The following GALNTL6 variants were observed in gnomAD, a reference collection of about 807,000 sequenced individuals.
GALNTL6 encodes polypeptide N-acetylgalactosaminyltransferase like 6.
Under a neutral mutation model 73.7 loss-of-function variants are expected in GALNTL6, and 46 were observed. The observed-to-expected ratio is 0.62, with a 90% CI of 0.49 to 0.80. The LOEUF (loss-of-function observed/expected upper bound fraction) is 0.80. Among genes scored for constraint, GALNTL6 ranks in the 30% least tolerant of loss-of-function variants. The probability of loss-of-function intolerance (pLI) is 0.00; values close to 1 mark genes in which losing one functional copy is unlikely to be tolerated. For synonymous variants in GALNTL6, 259 were observed against 263.7 expected (o/e 0.98, Z 0.17); for missense variants, 604 against 755.0 (o/e 0.80, Z 2.34).
At chr4:172,118,838 CTTTT>C (rs1733064594) in intron 2 of GALNTL6, among the ~76,000 whole-genome samples, 3 of 149,042 alleles carry the variant, frequency 2.0e-5, no homozygotes, top group African/African-American at 7.4e-5. Flanking sequence ...TTTTTTTTTT[CTTTT>C]TTTGTGAACT....
At chr4:172,085,219 C>T (rs937684140) in intron 2 of GALNTL6, among the ~76,000 whole-genome samples, 1 of 151,844 alleles carries the variant, frequency 6.6e-6, no homozygotes, top group Non-Finnish European at 1.5e-5. Context: ...TGTTGAAGTT[C>T]CCTGAACATA....
chr4:171,857,277 GT>G (rs1162756195), intron 2 of GALNTL6, among the ~76,000 whole-genome samples: 2 of 152,054 alleles, frequency 1.3e-5, no homozygotes, highest in African/African-American at 4.8e-5. Context: ...AAAAAAAGAA[GT>G]ATATTGAACC....
At chr4:172,419,435 T>C (rs926576039) in intron 5 of GALNTL6, among the ~76,000 whole-genome samples, 1 of 152,212 alleles carries the variant, frequency 6.6e-6, no homozygotes, top group Non-Finnish European at 1.5e-5. Context: ...ATTTATTGGA[T>C]ATTTTCGATT....
At chr4:171,875,456 A>G (rs916097577) in intron 2 of GALNTL6, among the ~76,000 whole-genome samples, 2 of 151,998 alleles carry the variant, frequency 1.3e-5, no homozygotes, top group Non-Finnish European at 2.9e-5. Flanking sequence ...GTTCCCTCCC[A>G]GGTCTGTGGG....
chr4:172,633,947 T>C (rs1739529735), intron 5 of GALNTL6, among the ~76,000 whole-genome samples: 1 of 152,226 alleles, frequency 6.6e-6, no homozygotes, highest in Non-Finnish European at 1.5e-5. Flanking sequence ...TCTGGCATGA[T>C]TGTGAGGCTT....
intron 5 of GALNTL6, among the ~76,000 whole-genome samples, chr4:172,629,284 A>T (rs1739289367): frequency 6.6e-6 from 1 of 152,172 alleles, no homozygotes; most frequent in Admixed American, 6.6e-5. Context: ...GATTTGAAGG[A>T]TTTTTGAAGG....
intron 2 of GALNTL6, among the ~76,000 whole-genome samples, chr4:171,952,539 A>G (rs764416856): frequency 6.6e-6 from 1 of 152,062 alleles, no homozygotes; most frequent in Non-Finnish European, 1.5e-5. Flanking sequence ...ATCAAGTTCA[A>G]TTTTTTAGGG....
intron 5 of GALNTL6, among the ~76,000 whole-genome samples, chr4:172,494,553 CA>C (rs1389271832): frequency 2.6e-4 from 39 of 152,150 alleles, no homozygotes; most frequent in Admixed American, 2.5e-3. Flanking sequence ...TGAAGTCCCA[CA>C]ATAGGCCTTC....
chr4:172,502,209 A>T (rs1734286858), intron 5 of GALNTL6, among the ~76,000 whole-genome samples: 1 of 152,180 alleles, frequency 6.6e-6, no homozygotes, highest in African/African-American at 2.4e-5. Flanking sequence ...TGTGAAGCTC[A>T]GAATAATCCA....
intron 5 of GALNTL6, among the ~76,000 whole-genome samples, chr4:172,753,834 A>G (rs191650055): frequency 6.6e-6 from 1 of 152,136 alleles, no homozygotes; most frequent in Non-Finnish European, 1.5e-5. Context: ...GAACAAAAGG[A>G]TGTTTGCTTG....
chr4:172,615,908 C>A (rs942214842), intron 5 of GALNTL6, among the ~76,000 whole-genome samples: 3 of 152,106 alleles, frequency 2.0e-5, no homozygotes, highest in African/African-American at 7.2e-5. Context: ...CACACAATAC[C>A]ACCAGCTAAC....
At chr4:172,550,001 T>C (rs1735899767) in intron 5 of GALNTL6, among the ~76,000 whole-genome samples, 1 of 152,192 alleles carries the variant, frequency 6.6e-6, no homozygotes, top group African/African-American at 2.4e-5. Flanking sequence ...CACTGGATAG[T>C]TTTCCACAGT....
chr4:172,579,055 A>G lies in GALNTL6; in HGVS notation c.554-230306A>G, dbSNP rs1388526761. ...CAATCTGATTTTGTGAAAACTAACA[A>G]CTGGCATCTTCCCAGAGACATTGAT... On this transcript the variant is annotated intron_variant, in intron 5 of 12. Coordinates refer to ENST00000506823, the MANE Select transcript of GALNTL6 (RefSeq NM_001034845.3). 3.9e-5 allele frequency among the ~76,000 whole-genome samples: 6 copies of G among 152,318 alleles called. No individual in the cohort carries two copies. The East Asian group carries it at 5.8e-4, about 15-fold the overall frequency.
intron 2 of GALNTL6, among the ~76,000 whole-genome samples, chr4:171,938,260 T>C (rs1219115597): frequency 6.6e-6 from 1 of 152,162 alleles, no homozygotes; most frequent in African/African-American, 2.4e-5. Context: ...TATCTCATAT[T>C]CTGCTCACCT....
At chr4:172,533,666 A>G (rs1735247350) in intron 5 of GALNTL6, among the ~76,000 whole-genome samples, 1 of 152,140 alleles carries the variant, frequency 6.6e-6, no homozygotes, top group African/African-American at 2.4e-5. Context: ...GAATAAATTA[A>G]GGCTCAGAGT....
At chr4:172,079,085 T>A (rs570639892) in intron 2 of GALNTL6, among the ~76,000 whole-genome samples, 1 of 152,108 alleles carries the variant, frequency 6.6e-6, no homozygotes, top group Non-Finnish European at 1.5e-5. Context: ...ATATTTATGT[T>A]TTTATCCATA....
intron 2 of GALNTL6, among the ~76,000 whole-genome samples, chr4:171,994,458 C>T (rs1740427550): frequency 6.6e-6 from 1 of 152,056 alleles, no homozygotes; most frequent in Non-Finnish European, 1.5e-5. Context: ...GGGTACTCTA[C>T]ACGCATATTA....
At chr4:172,657,087 A>T (rs947602488) in intron 5 of GALNTL6, among the ~76,000 whole-genome samples, 9 of 152,222 alleles carry the variant, frequency 5.9e-5, no homozygotes, top group Admixed American at 1.3e-4. Context: ...TGTTGATTTC[A>T]CTGTGGACTT....
chr4:172,499,210 T>C (rs1162872118), intron 5 of GALNTL6, among the ~76,000 whole-genome samples: 5 of 152,186 alleles, frequency 3.3e-5, no homozygotes, highest in Non-Finnish European at 5.9e-5. Context: ...TCAATCCCTA[T>C]GGTGATGATG....
Sources: gnomAD v4.1 joint callset for allele counts (sites outside exome capture counted in the v4.1 genomes callset) on GRCh38, gnomAD v4.1.1 for gene constraint, MANE v1.5 for transcripts, NCBI Gene and HGNC (gene_info 2026-07-23, HGNC 2026-07-21) for gene names.